THUMPD3: variants seen among roughly 807,000 people sequenced by gnomAD.
The protein encoded by THUMPD3 is THUMP domain 3 tRNA guanosine methyltransferase.
In THUMPD3, 44 loss-of-function variants were observed where a neutral mutation model predicts 54.5. The ratio of observed to expected loss-of-function variants is 0.81; its 90% CI spans 0.63 to 1.04. The LOEUF is 1.04. Among genes scored for constraint, THUMPD3 ranks in the 50% least tolerant of loss-of-function variants. The pLI is 0.00. For missense variants in THUMPD3, 604 were observed against 601.3 expected (o/e 1.00, Z -0.05); for synonymous variants, 196 against 201.4 (o/e 0.97, Z 0.23).
chr3:9,378,199 G>T (rs183318444), intron 6 of THUMPD3, among the ~76,000 whole-genome samples: 1 of 152,336 alleles, frequency 6.6e-6, no homozygotes, highest in African/African-American at 2.4e-5. Context: ...AATGGGAAAA[G>T]ATAATTGAAG....
rs529906635 is a variant in THUMPD3, at chr3:9,386,591, C to T, written c.*1903C>T. On this transcript the variant is annotated 3_prime_UTR_variant, in exon 10 of 10. Coordinates refer to ENST00000452837, the MANE Select transcript of THUMPD3 (RefSeq NM_001114092.2). ...GTAGTGGGCAATAGTTTGCCGTCTT[C>T]TTCCCTAGTATGGTGTTTTTCAATC... 8 of 152,276 alleles carry T rather than the reference C, an allele frequency of 5.3e-5. No individual in the cohort carries two copies. The highest frequency in any genetic ancestry group is 1.9e-4 in the African/African-American group (8 of 41,536). The allele number at this position is 152,276 out of a possible 1,614,324, so 9.4% of individuals were successfully genotyped here. A position where few individuals can be genotyped will look rare whatever the true frequency, so the allele number is the denominator to read the frequency against.
intron 7 of THUMPD3, among the ~76,000 whole-genome samples, chr3:9,381,756 CTTTTTTTTTTTTT>C (rs753480713): frequency 4.5e-5 from 2 of 44,320 alleles, no homozygotes; most frequent in Non-Finnish European, 8.1e-5. Context: ...TCAACCCGTA[CTTTTTTTTTTTTT>C]TTTTTTTTTT....
At chr3:9,366,860 G>A (rs750208045) in intron 2 of THUMPD3, 48 bp from the exon 3 acceptor site, 1 of 1,450,768 alleles carries the variant, frequency 6.9e-7, no homozygotes, top group Non-Finnish European at 9.6e-7. Flanking sequence ...GATAGCTTGT[G>A]CTGTTCAAAA....
intron 5 of THUMPD3, among the ~76,000 whole-genome samples, chr3:9,377,203 CGTGTGT>C (rs137922488): frequency 2.0e-5 from 3 of 148,726 alleles, no homozygotes; most frequent in Non-Finnish European, 4.5e-5. Context: ...TATGCATGAG[CGTGTGT>C]GTGTGTGTGT....
chr3:9,374,227 C>T (rs1404654478), intron 4 of THUMPD3, among the ~76,000 whole-genome samples: 1 of 152,140 alleles, frequency 6.6e-6, no homozygotes, highest in Non-Finnish European at 1.5e-5. Flanking sequence ...TTATTGGCTA[C>T]AACCAGATTT....
intron 7 of THUMPD3, among the ~76,000 whole-genome samples, chr3:9,382,385 C>T (rs940695193): frequency 2.0e-5 from 3 of 152,026 alleles, no homozygotes; most frequent in Non-Finnish European, 4.4e-5. Flanking sequence ...ATTATTCATT[C>T]TGTCTTCTGT....
At chr3:9,364,392 G>C (rs2031298562) in intron 1 of THUMPD3, among the ~76,000 whole-genome samples, 2 of 151,672 alleles carry the variant, frequency 1.3e-5, no homozygotes, top group African/African-American at 4.8e-5. Context: ...TGTTACCCCA[G>C]CCGGAGTGCA....
At chr3:9,366,776 A>G in intron 2 of THUMPD3, 132 bp from the exon 3 acceptor site, 1 of 663,150 alleles carries the variant, frequency 1.5e-6, no homozygotes, top group Non-Finnish European at 2.4e-6. Context: ...GAGATGGGAC[A>G]TTTTAAAAAT....
intron 3 of THUMPD3, among the ~76,000 whole-genome samples, chr3:9,369,324 A>AAG (rs2031836673): frequency 1.3e-5 from 2 of 151,218 alleles, no homozygotes; most frequent in African/African-American, 4.9e-5. Flanking sequence ...AAAAAAAAAA[A>AAG]AAAAAAAAAG....
intron 1 of THUMPD3, among the ~76,000 whole-genome samples, chr3:9,364,637 A>G (rs1307632581): frequency 2.6e-5 from 4 of 152,128 alleles, no homozygotes; most frequent in Non-Finnish European, 4.4e-5. Context: ...GTGAGCCACC[A>G]CGCCCAGCCA....
chr3:9,384,414 T>C lies in THUMPD3; in HGVS notation c.1359+79T>C, dbSNP rs878881431. 1.1e-5 allele frequency: 18 copies of C among 1,596,174 alleles called. No individual in the cohort carries two copies. The Admixed American group carries it at 3.0e-4, about 26-fold the overall frequency. ...TGAGATTTGGGGATGTTTGTTTGGA[T>C]AAGATTTGTTTTCTCTTCCCCTGAG... On this transcript the variant is annotated intron_variant, in intron 9 of 9. Coordinates refer to ENST00000452837, the MANE Select transcript of THUMPD3 (RefSeq NM_001114092.2).
intron 8 of THUMPD3, among the ~76,000 whole-genome samples, chr3:9,383,563 T>C (rs957242176): frequency 6.6e-6 from 1 of 152,156 alleles, no homozygotes; most frequent in Non-Finnish European, 1.5e-5. Context: ...TCTTGAATTA[T>C]ATATCCTACA....
chr3:9,378,010 C>A (rs1381844262), intron 6 of THUMPD3, 122 bp downstream of exon 6: 8 of 761,110 alleles, frequency 1.1e-5, no homozygotes, highest in Non-Finnish European at 1.7e-5. Context: ...AGTTTTAAAA[C>A]AATTAACAAT....
At chr3:9,383,658 C>G (rs956007585) in intron 8 of THUMPD3, among the ~76,000 whole-genome samples, 1 of 151,350 alleles carries the variant, frequency 6.6e-6, no homozygotes, top group African/African-American at 2.4e-5. Flanking sequence ...GAGCCCTGCT[C>G]TGTTGCCCAG....
rs763382657 is a variant in THUMPD3 at position 9,384,270 on chromosome 3, C to T, written c.1294C>T (p.Arg432Cys). Residue 432 changes from arginine to cysteine, a missense_variant, in exon 9 of 10, where the codon CGT (arginine) becomes TGT (cysteine). Transcript: ENST00000452837. ...LYPACLREMS[R>C]VCTPTTGRAV... is the part of the protein sequence containing the mutation. ...TCCAGCTTGCCTACGGGAGATGAGC[C>T]GTGTCTGCACACCTACCACAGGCCG... 3.7e-5 allele frequency: 60 copies of T among 1,614,036 alleles called. No individual in the cohort carries two copies. The highest frequency in any genetic ancestry group is 2.7e-5 in the African/African-American group (2 of 74,918).
At chr3:9,382,225 TTTC>T (rs2032979322) in intron 7 of THUMPD3, among the ~76,000 whole-genome samples, 1 of 152,232 alleles carries the variant, frequency 6.6e-6, no homozygotes, top group African/African-American at 2.4e-5. Flanking sequence ...ATTGCATTTT[TTTC>T]TTAAATTCTT....
intron 7 of THUMPD3, 54 bp downstream of exon 7, chr3:9,380,672 A>G: frequency 1.5e-6 from 2 of 1,329,032 alleles, no homozygotes; most frequent in Admixed American, 3.5e-5. Flanking sequence ...ATCACTTTTT[A>G]TATTGACTTT....
In THUMPD3 at chr3:9,373,295, C is replaced by T. The variant is rs536820803; in HGVS notation, c.808-1221C>T. Among the ~76,000 whole-genome samples the T allele has an allele frequency of 2.0e-5, 3 of 152,050 alleles. No homozygotes were observed. The South Asian group carries it at 6.2e-4, about 32-fold the overall frequency. ...ATTGTTTCAGGCCAGGAGTTCTAGA[C>T]CAGCCTAGGCGACATAGGGAGACCC... On this transcript the variant is annotated intron_variant, in intron 4 of 9. Transcript: ENST00000452837.
intron 2 of THUMPD3, 113 bp from the exon 3 acceptor site, chr3:9,366,795 T>C: frequency 1.3e-6 from 1 of 765,244 alleles, no homozygotes; most frequent in Non-Finnish European, 2.0e-6. Flanking sequence ...ATACAAAATA[T>C]AGTTAGTAGC....
Sources: allele counts gnomAD v4.1 joint callset (sites outside exome capture counted in the v4.1 genomes callset), GRCh38; gene constraint gnomAD v4.1.1; transcripts MANE v1.5; gene names NCBI Gene and HGNC (gene_info 2026-07-23, HGNC 2026-07-21).